Variants in CLIC5 observed in about 807,000 individuals in gnomAD.
CLIC5 encodes the protein chloride intracellular channel protein 5.
Under a neutral mutation model 24.7 loss-of-function variants are expected in CLIC5, and 20 were observed. The ratio of observed to expected loss-of-function variants is 0.81; its 90% confidence interval spans 0.57 to 1.18. CLIC5 has a LOEUF of 1.18. Among genes scored for constraint, CLIC5 ranks in the 50% most tolerant of loss-of-function variants. CLIC5 has a pLI of 0.00. For missense variants in CLIC5, 341 were observed against 326.1 expected, an observed-to-expected ratio of 1.05 and a Z score of -0.35; for synonymous variants, 159 against 135.6, an observed-to-expected ratio of 1.17 and a Z score of -1.20.
chr6:46,010,268 A>T (rs751839821), intron 1 of CLIC5, among the ~76,000 whole-genome samples: 5 of 152,168 alleles, frequency 3.3e-5, no homozygotes, highest in Admixed American at 6.5e-5. Context: ...GGCTACATGG[A>T]GCCTACAGAG....
At chr6:46,111,512 C>A in the CLIC5 span, among the ~76,000 whole-genome samples, 1,143 of 152,270 alleles carry the variant, frequency 7.5e-3, 13 homozygotes, top group African/African-American at 0.026. Flanking sequence ...AAATGGGACA[C>A]AGCTATTCAA....
intron 1 of CLIC5, among the ~76,000 whole-genome samples, chr6:45,979,365 C>T (rs1765492572): frequency 6.6e-6 from 1 of 152,170 alleles, no homozygotes; most frequent in Non-Finnish European, 1.5e-5. Flanking sequence ...TCCTCATTCA[C>T]TAAGGCATTG....
chr6:46,032,412 G>A (rs763005403), intron 1 of CLIC5, among the ~76,000 whole-genome samples: 2 of 152,220 alleles, frequency 1.3e-5, no homozygotes, highest in Admixed American at 1.3e-4. Flanking sequence ...GTTATTTCAG[G>A]ATAGTAAGAT....
intron 1 of CLIC5, among the ~76,000 whole-genome samples, chr6:46,047,817 C>T (rs1276164356): frequency 1.4e-5 from 2 of 141,734 alleles, no homozygotes; most frequent in African/African-American, 5.4e-5. Context: ...AATGAAGAGG[C>T]ATTCAAAGTG....
chr6:46,096,894 G>T, the CLIC5 span, among the ~76,000 whole-genome samples: 1 of 152,180 alleles, frequency 6.6e-6, no homozygotes, highest in African/African-American at 2.4e-5. Context: ...TTGTTAAAAG[G>T]CAAAACAGTG....
intron 1 of CLIC5, 44 bp downstream of exon 1, chr6:46,015,436 C>A (rs1180590184): frequency 1.4e-6 from 2 of 1,472,638 alleles, no homozygotes; most frequent in African/African-American, 1.4e-5. Flanking sequence ...GTGAGCCCGG[C>A]GGGAGGCGCG....
At chr6:45,903,342 A>ACGGAGGTTTC in intron 5 of CLIC5, 87 bp from the exon 6 acceptor site, 2 of 1,239,704 alleles carry the variant, frequency 1.6e-6, no homozygotes, top group Non-Finnish European at 2.2e-6. Context: ...GTGTGTGTGC[A>ACGGAGGTTTC]CTGCAGGAAA....
chr6:45,888,504 GT>G (rs1375335089), intron 6 of CLIC5, among the ~76,000 whole-genome samples: 1 of 152,154 alleles, frequency 6.6e-6, no homozygotes, highest in African/African-American at 2.4e-5. Flanking sequence ...TATGGGATGA[GT>G]TTGGAAGAGA....
Position 45,900,355 on chromosome 6 carries a change from C to T in CLIC5, c.*2733G>A, listed in dbSNP as rs1330978846. 3 of 152,064 alleles carry T rather than the reference C, an allele frequency of 2.0e-5. No homozygotes were observed. Among genetic ancestry groups the T allele is most frequent in the African/African-American group, 4.8e-5 (2 of 41,372 alleles). The allele number at this position is 152,064 out of a possible 1,614,324, so 9.4% of individuals were successfully genotyped here. On this transcript the variant is annotated 3_prime_UTR_variant, in exon 6 of 6. Coordinates refer to ENST00000339561, the MANE Select transcript of CLIC5 (RefSeq NM_016929.5). ...CATTCAGGACCAATGAAAAGGAAGC[C>T]TCCTACCCTATAGCTGTATAGTTGT...
intron 1 of CLIC5, among the ~76,000 whole-genome samples, chr6:45,961,970 G>C (rs1166266559): frequency 6.6e-6 from 1 of 151,448 alleles, no homozygotes; most frequent in Non-Finnish European, 1.5e-5. Context: ...AAGAATTCTA[G>C]GTATATTGGT....
chr6:46,015,287 G>A (rs980152023), intron 1 of CLIC5, among the ~76,000 whole-genome samples, 193 bp downstream of exon 1: 16 of 152,202 alleles, frequency 1.1e-4, no homozygotes, highest in Admixed American at 8.5e-4. Flanking sequence ...ACGGCCACCT[G>A]CCGGAACCTG....
Position 45,898,505 on chromosome 6 carries a change from A to G in CLIC5, c.*4583T>C, listed in dbSNP as rs1180774158. On this transcript the variant is annotated 3_prime_UTR_variant, in exon 6 of 6. Coordinates refer to ENST00000339561, the MANE Select transcript of CLIC5 (RefSeq NM_016929.5). ...TATTTGAATCAGTCAATACCAATCA[A>G]GACTGGAACACAAATTGGTAATTGG... 6.5e-6 allele frequency: 1 copy of G among 152,686 alleles called. No individual in the cohort carries two copies. Among genetic ancestry groups the G allele is most frequent in the Non-Finnish European group, 1.5e-5 (1 of 68,046 alleles). 9.5% of individuals were successfully genotyped at this position (152,686 alleles called of 1,614,324 possible).
chr6:45,883,183 T>C (rs1762277299), intron 6 of CLIC5, among the ~76,000 whole-genome samples: 3 of 152,072 alleles, frequency 2.0e-5, no homozygotes, highest in African/African-American at 7.2e-5. Context: ...AGTTCCACAG[T>C]GGGGGTGGGG....
In CLIC5 at chr6:45,927,161, T is replaced by C. The variant is rs190611289; in HGVS notation, c.407-12752A>G. Among the ~76,000 whole-genome samples the C allele has an allele frequency of 9.9e-3, 1,356 of 137,216 alleles. 8 individuals are homozygous for C. The highest frequency in any genetic ancestry group is 0.014 in the Non-Finnish European group (874 of 60,482). 90.0% of individuals were successfully genotyped at this position (137,216 alleles called of 152,430 possible). ...GTAGAGGTGTGTTGAAGTGTTTGTA[T>C]ACTTTTTTTTCTCTCATTTAACAAA... On this transcript the variant is annotated intron_variant, in intron 4 of 5. Coordinates refer to ENST00000339561, the MANE Select transcript of CLIC5 (RefSeq NM_016929.5).
chr6:45,954,664 C>T (rs1193867887), intron 2 of CLIC5, among the ~76,000 whole-genome samples: 1 of 152,168 alleles, frequency 6.6e-6, no homozygotes, highest in African/African-American at 2.4e-5. Context: ...AGTTGCTTTT[C>T]GTCCAAGCCT....
chr6:46,026,388 A>G (rs1767333077), intron 1 of CLIC5, among the ~76,000 whole-genome samples: 1 of 152,184 alleles, frequency 6.6e-6, no homozygotes, highest in South Asian at 2.1e-4. Context: ...TTCTGGTCCT[A>G]GTGAGGCAGA....
intron 6 of CLIC5, among the ~76,000 whole-genome samples, chr6:45,888,394 A>G (rs545311734): frequency 1.8e-4 from 27 of 152,290 alleles, no homozygotes; most frequent in Middle Eastern, 6.8e-3. Context: ...CTAGAGTTTC[A>G]GGGAAAGAGA....
chr6:46,035,456 A>G lies in CLIC5; in HGVS notation c.540+44247T>C, dbSNP rs146919134. Among the ~76,000 whole-genome samples the G allele has an allele frequency of 2.8e-3, 431 of 152,334 alleles. 1 individual carries two copies. The highest frequency in any genetic ancestry group is 9.1e-3 in the African/African-American group (379 of 41,576). On this transcript the variant is annotated intron_variant, in intron 1 of 5. Coordinates refer to the CLIC5 transcript ENST00000185206. ...CGATGCCTCAATGCCTTTTAAACAC[A>G]TAACTCTGCCTGAACTTCCCTATCA...
chr6:45,917,045 A>T (rs1763059697), intron 4 of CLIC5, among the ~76,000 whole-genome samples: 1 of 152,180 alleles, frequency 6.6e-6, no homozygotes, highest in Non-Finnish European at 1.5e-5. Flanking sequence ...CTTAAGCTTC[A>T]AGGTGTCTTG....
Sources: gnomAD v4.1 joint callset for allele counts (sites outside exome capture counted in the v4.1 genomes callset) on GRCh38, gnomAD v4.1.1 for gene constraint, MANE v1.5 for transcripts, NCBI Gene and HGNC (gene_info 2026-07-23, HGNC 2026-07-21) for gene names.